The following CDH8 variants were observed in gnomAD, a reference collection of about 807,000 sequenced individuals.
CDH8 encodes the protein cadherin-8.
A neutral mutation model predicts 68.1 loss-of-function variants in CDH8; 17 were observed. The ratio of observed to expected loss-of-function variants is 0.25; its 90% CI spans 0.17 to 0.37. The LOEUF is 0.37. CDH8 is among the 10% of genes least tolerant of loss of function. The pLI is 1.00. For synonymous variants in CDH8, 372 were observed against 365.1 expected (o/e 1.02, Z -0.21); for missense variants, 763 against 999.3 (o/e 0.76, Z 3.19).
chr16:61,990,305 CTTTTTTTTTTTTTTT>C (rs71134381), intron 2 of CDH8, among the ~76,000 whole-genome samples: 4 of 82,984 alleles, frequency 4.8e-5, no homozygotes, highest in Admixed American at 1.8e-4. Flanking sequence ...TGAAGAAGTC[CTTTTTTTTTTTTTTT>C]TTTTTTTTTT....
intron 2 of CDH8, among the ~76,000 whole-genome samples, chr16:61,932,036 T>G (rs2143484923): frequency 6.6e-6 from 1 of 152,044 alleles, no homozygotes; most frequent in African/African-American, 2.4e-5. Context: ...TGAAACCCTG[T>G]CTGTACTAAA....
intron 2 of CDH8, among the ~76,000 whole-genome samples, chr16:61,987,517 A>G (rs1965648762): frequency 6.6e-6 from 1 of 152,114 alleles, no homozygotes. Context: ...AAAAAACAAT[A>G]ATAACAAAAT....
At chr16:61,772,305 G>T (rs1380623635) in intron 8 of CDH8, among the ~76,000 whole-genome samples, 2 of 151,962 alleles carry the variant, frequency 1.3e-5, no homozygotes, top group Non-Finnish European at 2.9e-5. Flanking sequence ...TCTGTAATCT[G>T]ATTTGTTAGT....
At chr16:61,744,176 A>G (rs575773140) in intron 8 of CDH8, among the ~76,000 whole-genome samples, 16 of 152,104 alleles carry the variant, frequency 1.1e-4, no homozygotes, top group African/African-American at 3.9e-4. Flanking sequence ...ACGATATTCA[A>G]ATGTTCTCTA....
At chr16:61,811,820 T>A (rs1260584471) in intron 7 of CDH8, among the ~76,000 whole-genome samples, 1 of 152,204 alleles carries the variant, frequency 6.6e-6, no homozygotes, top group Non-Finnish European at 1.5e-5. Context: ...TACTGCATGA[T>A]TCTGCTTTTA....
intron 4 of CDH8, among the ~76,000 whole-genome samples, chr16:61,828,739 G>A (rs1181411870): frequency 6.6e-6 from 1 of 151,772 alleles, no homozygotes; most frequent in Admixed American, 6.6e-5. Context: ...TTGAAATCAA[G>A]CAAGTTTGTA....
chr16:61,782,604 G>C (rs947064529), intron 8 of CDH8, among the ~76,000 whole-genome samples: 1 of 151,630 alleles, frequency 6.6e-6, no homozygotes, highest in Non-Finnish European at 1.5e-5. Context: ...AAGGAGGCCT[G>C]CCTGCCTCTG....
intron 9 of CDH8, among the ~76,000 whole-genome samples, chr16:61,715,648 G>A (rs1293799536): frequency 1.3e-5 from 2 of 151,476 alleles, no homozygotes; most frequent in Non-Finnish European, 3.0e-5. Flanking sequence ...GTTACTCAAT[G>A]ACCCAACATG....
intron 8 of CDH8, among the ~76,000 whole-genome samples, chr16:61,744,200 G>A (rs1000537031): frequency 2.6e-5 from 4 of 151,826 alleles, no homozygotes; most frequent in African/African-American, 4.8e-5. Context: ...TCGGTTTTTC[G>A]GTCTACTTGT....
At chr16:61,696,652 T>C (rs1350716567) in intron 10 of CDH8, among the ~76,000 whole-genome samples, 1 of 152,166 alleles carries the variant, frequency 6.6e-6, no homozygotes, top group Non-Finnish European at 1.5e-5. Context: ...TAAGGACACA[T>C]GCATGCACTA....
chr16:61,929,020 T>C (rs767367985), intron 2 of CDH8, among the ~76,000 whole-genome samples: 1 of 151,834 alleles, frequency 6.6e-6, no homozygotes, highest in Non-Finnish European at 1.5e-5. Flanking sequence ...GCCATTCTCC[T>C]GACTCAGCCT....
chr16:61,830,708 C>T (rs952166513), intron 4 of CDH8, among the ~76,000 whole-genome samples: 5 of 151,640 alleles, frequency 3.3e-5, no homozygotes, highest in Admixed American at 6.6e-5. Flanking sequence ...TACACCGGTG[C>T]GGCGACAAGT....
chr16:61,892,890 G>T (rs1353067284), intron 3 of CDH8, among the ~76,000 whole-genome samples: 1 of 152,020 alleles, frequency 6.6e-6, no homozygotes, highest in Non-Finnish European at 1.5e-5. Context: ...TTAAAGAAAG[G>T]GGAAAAAACC....
intron 2 of CDH8, among the ~76,000 whole-genome samples, chr16:61,963,267 T>C (rs1327435830): frequency 6.6e-6 from 1 of 152,158 alleles, no homozygotes; most frequent in Non-Finnish European, 1.5e-5. Flanking sequence ...CCCTTCCATG[T>C]CACCATGACC....
At chr16:61,912,835 C>G (rs1300789983) in intron 2 of CDH8, among the ~76,000 whole-genome samples, 1 of 152,120 alleles carries the variant, frequency 6.6e-6, no homozygotes, top group African/African-American at 2.4e-5. Flanking sequence ...TACAACTACT[C>G]TCTCAAATAT....
chr16:61,907,194 A>G (rs534375979), intron 2 of CDH8, among the ~76,000 whole-genome samples: 7 of 152,162 alleles, frequency 4.6e-5, no homozygotes, highest in Non-Finnish European at 8.8e-5. Flanking sequence ...CTTAATACCA[A>G]ATCTACTCAG....
intron 2 of CDH8, among the ~76,000 whole-genome samples, chr16:61,960,049 A>ATGTGTGTG (rs1965079941): frequency 7.6e-6 from 1 of 130,936 alleles, no homozygotes; most frequent in African/African-American, 2.8e-5. Flanking sequence ...ACATATATGT[A>ATGTGTGTG]TGTATGTGTG....
intron 4 of CDH8, among the ~76,000 whole-genome samples, chr16:61,829,628 T>A (rs1195124247): frequency 6.6e-6 from 1 of 151,888 alleles, no homozygotes; most frequent in Non-Finnish European, 1.5e-5. Context: ...ATGACCCCAC[T>A]GGGAAGCTGC....
At chr16:62,022,135 A>G (rs1902090356) in intron 1 of CDH8, among the ~76,000 whole-genome samples, 1 of 152,262 alleles carries the variant, frequency 6.6e-6, no homozygotes, top group Non-Finnish European at 1.5e-5. Flanking sequence ...CTTTGAATTA[A>G]CAACATTAAA....
Sources: allele counts gnomAD v4.1 joint callset (sites outside exome capture counted in the v4.1 genomes callset), GRCh38; gene constraint gnomAD v4.1.1; transcripts MANE v1.5; gene names NCBI Gene and HGNC (gene_info 2026-07-23, HGNC 2026-07-21).